Variants in PLS1 observed in about 807,000 individuals in gnomAD.
PLS1 encodes plastin 1, also known as plastin-1.
A neutral mutation model predicts 73.7 loss-of-function variants in PLS1; 32 were observed. That is an observed-to-expected ratio of 0.43 (90% CI 0.33 to 0.58). The LOEUF is 0.58. Among genes scored for constraint, PLS1 ranks in the 20% least tolerant of loss-of-function variants. The pLI is 0.04. For synonymous variants in PLS1, 217 were observed against 261.3 expected (o/e 0.83, Z 1.63); for missense variants, 633 against 740.5 (o/e 0.85, Z 1.68).
intron 1 of PLS1, among the ~76,000 whole-genome samples, chr3:142,598,677 G>A (rs1043457421): frequency 2.6e-5 from 4 of 152,272 alleles, no homozygotes; most frequent in African/African-American, 9.6e-5. Flanking sequence ...TTAGTAATGG[G>A]TTTATAATGT....
At chr3:142,650,219 T>C (rs867412197) in intron 1 of PLS1, among the ~76,000 whole-genome samples, 379 of 130,962 alleles carry the variant, frequency 2.9e-3, no homozygotes, top group African/African-American at 0.011. Flanking sequence ...TTCTTTTTTT[T>C]TTTTTTTTTT....
chr3:142,606,435 GCA>G (rs1368810020), intron 1 of PLS1, among the ~76,000 whole-genome samples: 1 of 152,076 alleles, frequency 6.6e-6, no homozygotes, highest in Non-Finnish European at 1.5e-5. Context: ...AGTATTCTTG[GCA>G]CACATGACAT....
At chr3:142,633,849 C>A (rs896007098) in intron 1 of PLS1, among the ~76,000 whole-genome samples, 5 of 152,044 alleles carry the variant, frequency 3.3e-5, no homozygotes, top group Non-Finnish European at 7.4e-5. Context: ...TTACCCATAA[C>A]TAGAAGAGAA....
At chr3:142,629,567 G>T (rs188642144) in intron 1 of PLS1, among the ~76,000 whole-genome samples, 96 of 152,290 alleles carry the variant, frequency 6.3e-4, no homozygotes, top group African/African-American at 2.0e-3. Context: ...GCACACATGG[G>T]TATGAGGAAA....
intron 1 of PLS1, chr3:142,654,641 C>T (rs1165443728): frequency 6.6e-6 from 1 of 152,236 alleles, no homozygotes; most frequent in Non-Finnish European, 1.5e-5. Flanking sequence ...GCATGAACCA[C>T]TGCCCCTGGC....
At chr3:142,607,383 G>A (rs1233048746) in intron 1 of PLS1, among the ~76,000 whole-genome samples, 1 of 152,098 alleles carries the variant, frequency 6.6e-6, no homozygotes, top group Non-Finnish European at 1.5e-5. Context: ...GGGTTCAAGC[G>A]ATTCTCCTGC....
chr3:142,620,122 CTT>C (rs879749321), intron 1 of PLS1, among the ~76,000 whole-genome samples: 2 of 143,968 alleles, frequency 1.4e-5, no homozygotes, highest in African/African-American at 2.5e-5. Flanking sequence ...GAGAAGTAGA[CTT>C]TTTTTTTTTT....
At chr3:142,610,972 A>G (rs1560028961) in intron 1 of PLS1, among the ~76,000 whole-genome samples, 1 of 152,214 alleles carries the variant, frequency 6.6e-6, no homozygotes, top group Non-Finnish European at 1.5e-5. Flanking sequence ...GCCAAGTAAT[A>G]AATATTTTAG....
intron 3 of PLS1, among the ~76,000 whole-genome samples, chr3:142,670,106 A>G (rs1212402655): frequency 6.6e-6 from 1 of 152,168 alleles, no homozygotes; most frequent in Non-Finnish European, 1.5e-5. Context: ...GAAGGAATTG[A>G]ATTTGGAGGC....
chr3:142,676,085 A>T, intron 4 of PLS1, 72 bp from the exon 5 acceptor site: 4 of 1,167,712 alleles, frequency 3.4e-6, no homozygotes, highest in Non-Finnish European at 5.0e-6. Flanking sequence ...GTAGTGCAAT[A>T]GCTATGTATG....
intron 14 of PLS1, among the ~76,000 whole-genome samples, chr3:142,707,542 G>A (rs2038488935): frequency 6.6e-6 from 1 of 152,202 alleles, no homozygotes; most frequent in African/African-American, 2.4e-5. Flanking sequence ...CAGCTTTTAA[G>A]CAGAACAGCT....
rs190160398 is a variant in PLS1 at position 142,611,717 on chromosome 3, A to T, written c.-37+15208A>T. 2.9e-3 allele frequency among the ~76,000 whole-genome samples: 447 copies of T among 152,332 alleles called. 1 individual carries two copies. Among genetic ancestry groups the T allele is most frequent in the Non-Finnish European group, 4.7e-3 (320 of 68,032 alleles). On this transcript the variant is annotated intron_variant, in intron 1 of 15. Coordinates refer to ENST00000457734, the MANE Select transcript of PLS1 (RefSeq NM_001145319.2). ...ACATACTATATACATAAGCGCACAC[A>T]CATATTGCTTTTGAGGACCATTGAT... is the stretch of plus-strand genomic sequence containing the variant.
At chr3:142,684,924 G>C (rs971019314) in intron 8 of PLS1, among the ~76,000 whole-genome samples, 2 of 152,154 alleles carry the variant, frequency 1.3e-5, no homozygotes, top group Non-Finnish European at 2.9e-5. Context: ...AGGCATTTTT[G>C]TCTAATGACA....
At chr3:142,651,385 C>A (rs1438078371) in intron 1 of PLS1, among the ~76,000 whole-genome samples, 1 of 147,010 alleles carries the variant, frequency 6.8e-6, no homozygotes, top group Non-Finnish European at 1.5e-5. Context: ...TCACATGAAC[C>A]CAGGAGGCAG....
intron 1 of PLS1, among the ~76,000 whole-genome samples, chr3:142,614,575 A>G (rs556789739): frequency 6.6e-6 from 1 of 152,296 alleles, no homozygotes; most frequent in African/African-American, 2.4e-5. Context: ...TAATTTTTAT[A>G]TATTTGCTCC....
intron 10 of PLS1, among the ~76,000 whole-genome samples, chr3:142,691,039 C>T (rs2038075155): frequency 6.6e-6 from 1 of 152,096 alleles, no homozygotes; most frequent in African/African-American, 2.4e-5. Flanking sequence ...TGTTCATTCT[C>T]TCACAAAACT....
chr3:142,653,387 G>A (rs1243263020), intron 1 of PLS1, among the ~76,000 whole-genome samples: 2 of 146,914 alleles, frequency 1.4e-5, no homozygotes, highest in Admixed American at 6.8e-5. Flanking sequence ...TTTTGAGATG[G>A]TCTGGCTCTG....
intron 9 of PLS1, among the ~76,000 whole-genome samples, chr3:142,687,123 T>C (rs1577893027): frequency 6.6e-6 from 1 of 151,908 alleles, no homozygotes; most frequent in East Asian, 1.9e-4. Context: ...TCTATCTAAA[T>C]CAGGATGTCC....
At chr3:142,651,415 T>C (rs1028416814) in intron 1 of PLS1, among the ~76,000 whole-genome samples, 8 of 142,784 alleles carry the variant, frequency 5.6e-5, no homozygotes, top group Admixed American at 3.6e-4. Context: ...TGAGCCAAAA[T>C]TGTGCCATTG....
Sources: gnomAD v4.1 joint callset for allele counts (sites outside exome capture counted in the v4.1 genomes callset) on GRCh38, gnomAD v4.1.1 for gene constraint, MANE v1.5 for transcripts, NCBI Gene and HGNC (gene_info 2026-07-23, HGNC 2026-07-21) for gene names.